Variants in AEN observed in about 807,000 individuals in gnomAD.
AEN encodes apoptosis-enhancing nuclease.
AEN carries 21 observed loss-of-function variants against 17.7 expected under a neutral mutation model. That is an observed-to-expected ratio of 1.19 (90% CI 0.84 to 1.71). The LOEUF (loss-of-function observed/expected upper bound fraction) is 1.71. Ranked by LOEUF, AEN falls within the 40% of genes most tolerant of loss-of-function variation. The pLI, the probability that AEN is intolerant of heterozygous loss-of-function variation, is 0.00. For missense variants in AEN, 462 were observed against 435.9 expected (o/e 1.06, Z -0.53); for synonymous variants, 190 against 173.0 (o/e 1.10, Z -0.77).
At chr15:88,613,229 C>A in the AEN span, among the ~76,000 whole-genome samples, 1 of 152,146 alleles carries the variant, frequency 6.6e-6, no homozygotes, top group Non-Finnish European at 1.5e-5. Flanking sequence ...CAAGTCAGCC[C>A]TTCACTTCTA....
the AEN span, among the ~76,000 whole-genome samples, chr15:88,611,432 CTAAAAAAAA>C: frequency 1.2e-5 from 1 of 82,042 alleles, no homozygotes; most frequent in African/African-American, 4.9e-5. Flanking sequence ...CTTGTCTTTA[CTAAAAAAAA>C]AAAAAAAAAA....
At chr15:88,605,572 T>C in the AEN span, among the ~76,000 whole-genome samples, 1 of 152,192 alleles carries the variant, frequency 6.6e-6, no homozygotes. The surrounding 1 kb of genome is among the most constrained non-coding windows in gnomAD (Gnocchi z 7.6). Flanking sequence ...CCTTTCTTCC[T>C]ACCCACCGCA....
chr15:88,608,937 C>T, the AEN span, among the ~76,000 whole-genome samples: 1 of 152,112 alleles, frequency 6.6e-6, no homozygotes, highest in South Asian at 2.1e-4. Flanking sequence ...TTTCCTGCAC[C>T]AAATAGTCCT....
chr15:88,619,732 A>G (rs2057766328), upstream of AEN, among the ~76,000 whole-genome samples: 1 of 151,934 alleles, frequency 6.6e-6, no homozygotes, highest in South Asian at 2.1e-4. Flanking sequence ...CTTGCCCCAG[A>G]TTTACCTCCC....
rs781406081 is a variant in AEN at position 88,626,585 on chromosome 15, G to T, written c.376G>T (p.Val126Leu). 1 of 1,614,012 alleles carries T rather than the reference G, an allele frequency of 6.2e-7. No homozygotes were observed. Among genetic ancestry groups the T allele is most frequent in the East Asian group, 2.2e-5 (1 of 44,904 alleles). Residue 126 changes from valine to leucine, a missense_variant, in exon 2 of 4, where the codon GTA (valine) becomes TTA (leucine). Val to Leu is a conservative substitution (Grantham distance 32). Transcript: ENST00000332810. ...GGTGGGCACGGGACCCCGAGGGCGGGTAAGCGAGCTGGCCCGCTGTTCCAT... is the reference window on the plus strand; with the variant it reads ...GGTGGGCACGGGACCCCGAGGGCGGTTAAGCGAGCTGGCCCGCTGTTCCAT... ...EMVGTGPRGR[V>L]SELARCSIVS...
chr15:88,607,096 G>A, the AEN span, among the ~76,000 whole-genome samples: 4 of 152,144 alleles, frequency 2.6e-5, no homozygotes, highest in East Asian at 3.9e-4. Context: ...TCCCCTCAGG[G>A]GAGAGAGGGC....
chr15:88,609,003 C>G, the AEN span, among the ~76,000 whole-genome samples: 1 of 152,184 alleles, frequency 6.6e-6, no homozygotes, highest in Admixed American at 6.5e-5. Flanking sequence ...AGTCAAAGTT[C>G]TTTCCCTTTC....
At chr15:88,609,491 G>A in the AEN span, among the ~76,000 whole-genome samples, 1 of 152,130 alleles carries the variant, frequency 6.6e-6, no homozygotes, top group Non-Finnish European at 1.5e-5. Flanking sequence ...CCACATTGAG[G>A]ATCCCCATCA....
At chr15:88,626,937 A>T in intron 2 of AEN, 188 bp downstream of exon 2, 1 of 653,924 alleles carries the variant, frequency 1.5e-6, no homozygotes, top group Non-Finnish European at 2.6e-6. Flanking sequence ...TTGCCTCCAG[A>T]TAAGGATTGC....
chr15:88,629,028 C>A, intron 2 of AEN, 198 bp from the exon 3 acceptor site: 1 of 598,312 alleles, frequency 1.7e-6, no homozygotes, highest in Middle Eastern at 4.4e-4. Context: ...TAGGTATGCC[C>A]CTGGGTATAG....
rs1345112427 is a variant in AEN at position 88,629,466 on chromosome 15, C to T, written c.741+40C>T. ...AGTGGCTGGAAGGGAGGGAGGCCCG[C>T]CTGGCCTCCATGCCACCTGAGCCAC... is the stretch of plus-strand genomic sequence containing the variant. On this transcript the variant is annotated intron_variant, in intron 3 of 3. Transcript: ENST00000332810. The T allele has an allele frequency of 3.8e-6, 6 of 1,597,128 alleles. No homozygotes were observed. In the Admixed American group the frequency reaches 6.7e-5, roughly 18 times the overall value.
intron 1 of AEN, among the ~76,000 whole-genome samples, chr15:88,622,696 C>G (rs1041191936): frequency 3.9e-5 from 6 of 152,144 alleles, no homozygotes; most frequent in African/African-American, 1.4e-4. Context: ...ACATCGGTTG[C>G]TAGGTCATGG....
At chr15:88,621,131 CTCTTT>C (rs2057780795), upstream of AEN, among the ~76,000 whole-genome samples, 1 of 152,220 alleles carries the variant, frequency 6.6e-6, no homozygotes, top group Non-Finnish European at 1.5e-5. Flanking sequence ...CCCTTCCCTT[CTCTTT>C]AAAATTTCCC....
Position 88,631,474 on chromosome 15 carries a change from T to C in AEN, c.*1180T>C, listed in dbSNP as rs1252763742. Reference sequence around the variant, plus strand: ...TTGGAGCCCCATCTTTGCTTGCAGCTTAGCTTTGAGATACTAAGCAAGCGA... The same window carrying C: ...TTGGAGCCCCATCTTTGCTTGCAGCCTAGCTTTGAGATACTAAGCAAGCGA... On this transcript the variant is annotated 3_prime_UTR_variant, in exon 4 of 4. Transcript: ENST00000332810. 2 of 232,606 alleles carry C rather than the reference T, an allele frequency of 8.6e-6. No homozygotes were observed. Among genetic ancestry groups the C allele is most frequent in the Non-Finnish European group, 1.8e-5 (2 of 111,424 alleles). 14.4% of individuals were successfully genotyped at this position (232,606 alleles called of 1,614,324 possible). A position where few individuals can be genotyped will look rare whatever the true frequency, so the allele number is the denominator to read the frequency against.
the AEN span, among the ~76,000 whole-genome samples, chr15:88,609,973 A>G: frequency 2.0e-5 from 3 of 152,162 alleles, no homozygotes; most frequent in African/African-American, 7.2e-5. Flanking sequence ...CTAGCAGGGC[A>G]GTGGTTTGGG....
At chr15:88,612,827 G>T in the AEN span, among the ~76,000 whole-genome samples, 1 of 151,998 alleles carries the variant, frequency 6.6e-6, no homozygotes, top group East Asian at 2.0e-4. Context: ...TCTCGAACTC[G>T]TGACGTCAGG....
upstream of AEN, among the ~76,000 whole-genome samples, chr15:88,618,029 A>T (rs8027485): frequency 1.3e-5 from 2 of 151,916 alleles, no homozygotes; most frequent in African/African-American, 4.8e-5. Flanking sequence ...CATCCCACTT[A>T]CCTACACCAG....
At chr15:88,616,200 TC>T in the AEN span, among the ~76,000 whole-genome samples, 1 of 152,144 alleles carries the variant, frequency 6.6e-6, no homozygotes, top group Non-Finnish European at 1.5e-5. Flanking sequence ...TTCAAATGAT[TC>T]TCCTTCCTCA....
Position 88,630,686 on chromosome 15 carries a change from CTCTGGG to C in AEN, c.*393_*398del, listed in dbSNP as rs2057917098. ...CTAATGAAAGGGATCATATCATCCT[CTCTGGG>C]GATGGTGGGTGGGGGTGTCAATATC... On this transcript the variant is annotated 3_prime_UTR_variant, in exon 4 of 4. Transcript: ENST00000332810. The surrounding 1 kb of genome is among the most constrained non-coding windows in gnomAD (Gnocchi z 5.1). 4.2e-6 allele frequency: 1 copy of C among 236,552 alleles called. No homozygotes were observed. Among genetic ancestry groups the C allele is most frequent in the East Asian group, 9.8e-5 (1 of 10,190 alleles). The allele number at this position is 236,552 out of a possible 1,614,324, so 14.7% of individuals were successfully genotyped here.
Sources: gnomAD v4.1 joint callset for allele counts (sites outside exome capture counted in the v4.1 genomes callset) on GRCh38, gnomAD v4.1.1 for gene constraint, Gnocchi (gnomAD v3.1) non-coding constraint, MANE v1.5 for transcripts, NCBI Gene and HGNC (gene_info 2026-07-23, HGNC 2026-07-21) for gene names.